Variants in FGD5 observed in about 807,000 individuals in gnomAD.
FGD5 encodes the protein FYVE, RhoGEF and PH domain containing 5.
Under a neutral mutation model 133.4 loss-of-function variants are expected in FGD5, and 28 were observed. That is an observed-to-expected ratio of 0.21 (90% CI 0.16 to 0.29). The LOEUF (loss-of-function observed/expected upper bound fraction) is 0.29. Ranked by LOEUF, FGD5 falls within the 10% of genes least tolerant of loss-of-function variation. FGD5 has a pLI of 1.00. For synonymous variants in FGD5, 810 were observed against 776.5 expected (o/e 1.04, Z -0.72); for missense variants, 1,858 against 1,895.2 (o/e 0.98, Z 0.36).
chr3:14,879,691 C>G (rs1332041763), intron 2 of FGD5, among the ~76,000 whole-genome samples: 1 of 152,172 alleles, frequency 6.6e-6, no homozygotes, highest in Admixed American at 6.5e-5. Context: ...GTAATTGTTT[C>G]ACAGTAATGA....
chr3:14,893,069 C>T (rs577841262), intron 4 of FGD5, among the ~76,000 whole-genome samples: 6 of 152,138 alleles, frequency 3.9e-5, no homozygotes, highest in African/African-American at 7.2e-5. Flanking sequence ...CCACCCAAGC[C>T]GTGTATTTAC....
chr3:14,867,564 C>G (rs1375282308), intron 2 of FGD5, among the ~76,000 whole-genome samples: 6 of 152,156 alleles, frequency 3.9e-5, no homozygotes, highest in Non-Finnish European at 8.8e-5. Context: ...TGTGACAGTC[C>G]CCCAAGAGGC....
At chr3:14,881,648 A>G (rs547432632) in intron 4 of FGD5, among the ~76,000 whole-genome samples, 5 of 152,298 alleles carry the variant, frequency 3.3e-5, no homozygotes, top group African/African-American at 7.2e-5. Flanking sequence ...CACTCTTGCC[A>G]TGGTTGAGCA....
rs888293197 is a variant in FGD5, at chr3:14,922,422, G to C, written c.3681G>C (p.Arg1227Ser). Residue 1227 changes from arginine (R) to serine (S), a missense_variant, in exon 15 of 20, where the codon AGG becomes AGC. Physicochemically the swap from Arg to Ser is moderately radical, Grantham distance 110. Coordinates refer to ENST00000285046, the MANE Select transcript of FGD5 (RefSeq NM_152536.4). This position sits in a 1 kb window ranked among gnomAD's most constrained non-coding sequence, Gnocchi z 4.1. Reference protein sequence around the residue: ...AFHHSVEIRERLGVSLGERPP... With the variant: ...AFHHSVEIRESLGVSLGERPP... ...TTCTGTTGCTGCAGATACGAGAGAGGCTGGGGGTTAGCCTTGGGGAGAGGC... is the reference window on the plus strand; with the variant it reads ...TTCTGTTGCTGCAGATACGAGAGAGCCTGGGGGTTAGCCTTGGGGAGAGGC... The C allele has an allele frequency of 1.3e-6, 2 of 1,567,292 alleles. No individual in the cohort carries two copies. The highest frequency in any genetic ancestry group is 1.9e-5 in the Admixed American group (1 of 53,152).
intron 18 of FGD5, chr3:14,930,935 CCTTT>C (rs1216692486): frequency 6.6e-6 from 1 of 151,956 alleles, no homozygotes; most frequent in Non-Finnish European, 1.5e-5. Context: ...TATCTTGTGA[CCTTT>C]CTAAATTGAT....
intron 1 of FGD5, among the ~76,000 whole-genome samples, chr3:14,863,112 C>T (rs561105395): frequency 6.6e-6 from 1 of 152,248 alleles, no homozygotes; most frequent in African/African-American, 2.4e-5. Context: ...TGGCTGCTCC[C>T]TTCCGTCCTG....
intron 1 of FGD5, among the ~76,000 whole-genome samples, chr3:14,844,879 C>T (rs1164499850): frequency 6.6e-6 from 1 of 152,190 alleles, no homozygotes; most frequent in East Asian, 1.9e-4. Flanking sequence ...GTCTTGCCCT[C>T]ATCTCTCCTC....
intron 4 of FGD5, among the ~76,000 whole-genome samples, chr3:14,896,722 C>T (rs952186533): frequency 1.3e-5 from 2 of 152,152 alleles, no homozygotes; most frequent in South Asian, 4.1e-4. Flanking sequence ...CTGCCTGCCT[C>T]AGCTTCCCAA....
chr3:14,898,735 G>A lies in FGD5; in HGVS notation c.3067-4G>A. 2 of 1,577,386 alleles carry A rather than the reference G, an allele frequency of 1.3e-6. No individual in the cohort carries two copies. Among genetic ancestry groups the A allele is most frequent in the South Asian group, 1.2e-5 (1 of 85,766 alleles). ...AGGTTTTTCCTTCCCTGTCTTGAGAGCAGCAGAGTGTACAAGGAGGCAGCC... is the reference window on the plus strand; with the variant it reads ...AGGTTTTTCCTTCCCTGTCTTGAGAACAGCAGAGTGTACAAGGAGGCAGCC... On this transcript the variant is annotated splice_polypyrimidine_tract_variant and splice_region_variant and intron_variant, in intron 6 of 19. Coordinates refer to ENST00000285046, the MANE Select transcript of FGD5 (RefSeq NM_152536.4).
At chr3:14,823,082 T>G (rs966970594) in intron 1 of FGD5, among the ~76,000 whole-genome samples, 7 of 152,142 alleles carry the variant, frequency 4.6e-5, no homozygotes, top group Admixed American at 2.0e-4. Flanking sequence ...GGACTGAGTT[T>G]AGTTTGGAGA....
chr3:14,899,109 A>G (rs1052301584), intron 7 of FGD5, among the ~76,000 whole-genome samples: 2 of 152,042 alleles, frequency 1.3e-5, no homozygotes, highest in Non-Finnish European at 2.9e-5. Flanking sequence ...TCAGCTGGCC[A>G]TCTCCTCATT....
Position 14,813,346 on chromosome 3 carries a change from C to G in FGD5, c.13+2481C>G, listed in dbSNP as rs1478038945. Among the ~76,000 whole-genome samples, 3 of 152,298 alleles carry G rather than the reference C, an allele frequency of 2.0e-5. 1 individual carries two copies. The highest frequency in any genetic ancestry group is 6.8e-3 in the Middle Eastern group (2 of 294). Reference sequence around the variant, plus strand: ...CTCTTCCCACACTGTCCTGTGCTGTCTTCCTGGTAGTGCCCTGTCGTGGAT... The same window carrying G: ...CTCTTCCCACACTGTCCTGTGCTGTGTTCCTGGTAGTGCCCTGTCGTGGAT... On this transcript the variant is annotated intron_variant, in intron 1 of 1. Coordinates refer to the FGD5 transcript ENST00000640506.
At chr3:14,842,430 C>T (rs1385466570) in intron 1 of FGD5, among the ~76,000 whole-genome samples, 1 of 152,212 alleles carries the variant, frequency 6.6e-6, no homozygotes, top group Non-Finnish European at 1.5e-5. Context: ...TCAATGCCAA[C>T]TCTCCTAGAC....
chr3:14,847,448 C>G lies in FGD5; in HGVS notation c.2526-16680C>G, dbSNP rs537415049. Among the ~76,000 whole-genome samples the G allele has an allele frequency of 6.6e-5, 10 of 152,282 alleles. No individual in the cohort carries two copies. The South Asian group carries it at 2.1e-3, about 32-fold the overall frequency. On this transcript the variant is annotated intron_variant, in intron 1 of 19. Transcript: ENST00000285046. ...CTGAACTGCTTTGAAGTTGGAAAGCCGAGCCCAATTAGCATCCCTGGTGGG... is the reference window on the plus strand; with the variant it reads ...CTGAACTGCTTTGAAGTTGGAAAGCGGAGCCCAATTAGCATCCCTGGTGGG...
chr3:14,898,643 G>A, intron 6 of FGD5, 96 bp from the exon 7 acceptor site: 1 of 951,730 alleles, frequency 1.1e-6, no homozygotes, highest in Non-Finnish European at 1.6e-6. Flanking sequence ...GGCCCGGGAA[G>A]AGGTGTGGAT....
Position 14,898,793 on chromosome 3 carries a change from C to A in FGD5, c.3121C>A (p.Gln1041Lys). 6.3e-7 allele frequency: 1 copy of A among 1,582,942 alleles called. No individual in the cohort carries two copies. Among genetic ancestry groups the A allele is most frequent in the Admixed American group, 1.8e-5 (1 of 55,478 alleles). Residue 1041 changes from glutamine to lysine, a missense_variant, in exon 7 of 20, where the codon CAA becomes AAA. Gln to Lys is a moderately conservative substitution (Grantham distance 53). Around this residue, in one of 3 missense-constraint regions of FGD5, gnomAD observed 1,824 missense variants for 1,848.9 expected, o/e 0.99. Coordinates refer to ENST00000285046, the MANE Select transcript of FGD5 (RefSeq NM_152536.4). ...GAAGCATCGGCTGCTGCGGGTGGTT[C>A]AACGCCTCTTCCAGTACCAAGTGCT... ...TAKHRLLRVV[Q>K]RLFQYQVLLT...
At chr3:14,891,923 C>A (rs2038035780) in intron 4 of FGD5, among the ~76,000 whole-genome samples, 1 of 151,854 alleles carries the variant, frequency 6.6e-6, no homozygotes, top group Non-Finnish European at 1.5e-5. Flanking sequence ...TTCTCTCTCT[C>A]TCTCTTTCTT....
chr3:14,819,729 G>A lies in FGD5; in HGVS notation c.658G>A (p.Gly220Ser). Residue 220 changes from glycine to serine, a missense_variant, in exon 1 of 20, where the codon GGC (glycine) becomes AGC (serine). By Grantham distance (56) the Gly-to-Ser change is moderately conservative. This residue lies in a region of FGD5 where 1,824 missense variants were observed against 1,848.9 expected (regional missense o/e 0.99). Coordinates refer to ENST00000285046, the MANE Select transcript of FGD5 (RefSeq NM_152536.4). This position sits in a 1 kb window ranked among gnomAD's most constrained non-coding sequence, Gnocchi z 4.1. ...GGAGGCAGAGGAGGATGATGAGGAA[G>A]GCTGTGCCAGCACAGACCCAGCAGG... ...PGEAEEDDEE[G>S]CASTDPAGAD... is the part of the protein sequence containing the mutation. The A allele has an allele frequency of 1.3e-6, 2 of 1,535,782 alleles. No homozygotes were observed. The highest frequency in any genetic ancestry group is 1.8e-6 in the Non-Finnish European group (2 of 1,139,246).
intron 1 of FGD5, among the ~76,000 whole-genome samples, chr3:14,811,130 A>T (rs2036286737): frequency 6.6e-6 from 1 of 151,910 alleles, no homozygotes; most frequent in Non-Finnish European, 1.5e-5. Flanking sequence ...GCGCGCCAGT[A>T]TCCCACTCGC....
Sources: gnomAD v4.1 joint callset for allele counts (sites outside exome capture counted in the v4.1 genomes callset) on GRCh38, gnomAD v4.1.1 for gene constraint, gnomAD v4.1.1 regional missense constraint, Gnocchi (gnomAD v3.1) non-coding constraint, MANE v1.5 for transcripts, NCBI Gene and HGNC (gene_info 2026-07-23, HGNC 2026-07-21) for gene names.